The following SPEG variants were observed in gnomAD, a reference collection of about 807,000 sequenced individuals.
SPEG encodes striated muscle enriched protein kinase, also known as striated muscle preferentially expressed protein kinase.
A neutral mutation model predicts 300.4 loss-of-function variants in SPEG; 114 were observed. The ratio of observed to expected loss-of-function variants is 0.38; its 90% CI spans 0.33 to 0.44. The LOEUF is 0.44. Ranked by LOEUF, SPEG falls within the 20% of genes least tolerant of loss-of-function variation. SPEG has a pLI of 1.00. For missense variants in SPEG, 4,201 were observed against 4,586.2 expected, an observed-to-expected ratio of 0.92 and a Z score of 2.43; for synonymous variants, 1,964 against 2,018.9, an observed-to-expected ratio of 0.97 and a Z score of 0.73.
chr2:219,454,068 C>T (rs1259738003), intron 6 of SPEG, among the ~76,000 whole-genome samples: 5 of 152,168 alleles, frequency 3.3e-5, no homozygotes, highest in Non-Finnish European at 7.3e-5. Flanking sequence ...TTCCCCTCCC[C>T]CTCTTGCTCT....
intron 6 of SPEG, among the ~76,000 whole-genome samples, chr2:219,455,953 T>C (rs976087519): frequency 3.3e-5 from 5 of 152,212 alleles, no homozygotes; most frequent in Non-Finnish European, 5.9e-5. Flanking sequence ...ACTACAGGTC[T>C]CCTATATTTG....
chr2:219,434,951 G>T lies in SPEG; in HGVS notation c.-27G>T. 6.8e-7 allele frequency: 1 copy of T among 1,477,556 alleles called. No homozygotes were observed. The highest frequency in any genetic ancestry group is 8.9e-7 in the Non-Finnish European group (1 of 1,123,348). The allele number at this position is 1,477,556 out of a possible 1,614,324, so 91.5% of individuals were successfully genotyped here. A position where few individuals can be genotyped will look rare whatever the true frequency, so the allele number is the denominator to read the frequency against. ...GCCCCCGTGGCCGCCCAGTTCCGGC[G>T]TCCCCCCAGCCCAGCTCTCAGTGGC... On this transcript the variant is annotated 5_prime_UTR_variant, in exon 1 of 41. Coordinates refer to ENST00000312358, the MANE Select transcript of SPEG (RefSeq NM_005876.5).
chr2:219,463,695 C>T (rs377648213), intron 8 of SPEG, among the ~76,000 whole-genome samples: 3 of 151,256 alleles, frequency 2.0e-5, no homozygotes, highest in African/African-American at 4.9e-5. Context: ...CATGAACCAC[C>T]GTGCCCAGCC....
rs267599214 is a variant in SPEG at position 219,489,175 on chromosome 2, G to A, written c.8271G>A (p.Gly2757=). Residue 2757 remains glycine, a synonymous_variant, in exon 35 of 41, where the codon GGG becomes GGA. Coordinates refer to ENST00000312358, the MANE Select transcript of SPEG (RefSeq NM_005876.5). ...RVACANRAGQ[G]PFSNSSEKVF... ...CCTGTGCCAACCGTGCTGGGCAGGG[G>A]CCCTTCAGCAACTCTTCTGAGAAGG... is the stretch of plus-strand genomic sequence containing the variant. The A allele has an allele frequency of 3.7e-6, 6 of 1,613,990 alleles. No homozygotes were observed. The highest frequency in any genetic ancestry group is 1.7e-5 in the Admixed American group (1 of 60,018).
At chr2:219,471,591 A>G in intron 13 of SPEG, 1 of 477,456 alleles carries the variant, frequency 2.1e-6, no homozygotes, top group Non-Finnish European at 3.8e-6. Flanking sequence ...GTGTAGGAGG[A>G]AGAGAAGATG....
Position 219,444,905 on chromosome 2 carries a change from T to C in SPEG, c.559T>C (p.Trp187Arg). ...AGGCACCTCAGAGGAGCAAGTGAGC[T>C]GGTGGGGCAGCGGGCAGACGGTCCT... Reference protein sequence around the residue: ...VTGTSEEQVSWWGSGQTVLEQ... With the variant: ...VTGTSEEQVSRWGSGQTVLEQ... Residue 187 changes from tryptophan (W) to arginine (R), a missense_variant, in exon 3 of 41, where the codon TGG (tryptophan) becomes CGG (arginine). Trp to Arg is a moderately radical substitution (Grantham distance 101, BLOSUM62 -3). Around this residue, in one of 4 missense-constraint regions of SPEG, gnomAD observed 1,258 missense variants for 1,293.9 expected, o/e 0.97. Coordinates refer to ENST00000312358, the MANE Select transcript of SPEG (RefSeq NM_005876.5). This position sits in a 1 kb window ranked among gnomAD's most constrained non-coding sequence, Gnocchi z 7.8. 1 of 1,573,120 alleles carries C rather than the reference T, an allele frequency of 6.4e-7. No homozygotes were observed. Among genetic ancestry groups the C allele is most frequent in the South Asian group, 1.2e-5 (1 of 82,524 alleles).
At position 219,467,215 on chromosome 2, in the gene SPEG, C is replaced by T; in HGVS notation, c.2923C>T (p.Gln975Ter). 1 of 1,595,226 alleles carries T rather than the reference C, an allele frequency of 6.3e-7. No homozygotes were observed. The highest frequency in any genetic ancestry group is 1.7e-5 in the Admixed American group (1 of 59,678). The change falls in exon 10 of 41, where the codon CAG becomes TAG. Residue 975 changes from glutamine to a stop codon, truncating the protein, a stop_gained. Transcript: ENST00000312358. LOFTEE classifies it high-confidence loss of function. Reference sequence around the variant, plus strand: ...GTCCCTGGCCGTGCTGGCCCCCCTGCAGGACGTGGACGTGGGGGCCGGGGA... The same window carrying T: ...GTCCCTGGCCGTGCTGGCCCCCCTGTAGGACGTGGACGTGGGGGCCGGGGA... ...SRSLAVLAPL[Q>*]DVDVGAGEMA...
In SPEG at chr2:219,475,663, T is replaced by C. The variant is rs553711730; in HGVS notation, c.4448-1207T>C. ...CAGGACTCACCTTTCTTCCCAGATATAGGAGGAGCCCTGAAGTTTGGGGAG... is the reference window on the plus strand; with the variant it reads ...CAGGACTCACCTTTCTTCCCAGATACAGGAGGAGCCCTGAAGTTTGGGGAG... On this transcript the variant is annotated intron_variant, in intron 18 of 40. Transcript: ENST00000312358. Among the ~76,000 whole-genome samples the C allele has an allele frequency of 3.0e-4, 45 of 152,306 alleles. 2 individuals are homozygous for C. The highest frequency in any genetic ancestry group is 1.1e-3 in the African/African-American group (45 of 41,570).
intron 3 of SPEG, among the ~76,000 whole-genome samples, chr2:219,446,737 C>T (rs1442773695): frequency 6.6e-6 from 1 of 152,196 alleles, no homozygotes; most frequent in African/African-American, 2.4e-5. Flanking sequence ...TAGCACCAAT[C>T]ATTTCCCAGC....
At chr2:219,470,008 T>C (rs925413677) in intron 13 of SPEG, among the ~76,000 whole-genome samples, 1 of 152,150 alleles carries the variant, frequency 6.6e-6, no homozygotes, top group African/African-American at 2.4e-5. Flanking sequence ...CTCAGTTCCA[T>C]CCTTGAAGGA....
intron 28 of SPEG, among the ~76,000 whole-genome samples, chr2:219,482,577 C>T (rs1391222403): frequency 6.6e-6 from 1 of 152,094 alleles, no homozygotes; most frequent in African/African-American, 2.4e-5. Context: ...CTGGGGGGTT[C>T]AGGGGATTTG....
chr2:219,483,030 G>A lies in SPEG; in HGVS notation c.5635-68G>A. On this transcript the variant is annotated intron_variant, in intron 29 of 40. Transcript: ENST00000312358. ...GCTCAGGCCTCTTCCCCAGGGCTGA[G>A]GTGGGCCTGGGGGGGACAATCCTGC... 9.9e-6 allele frequency: 15 copies of A among 1,511,818 alleles called. No homozygotes were observed. The South Asian group carries it at 1.6e-4, about 16-fold the overall frequency. The allele number at this position is 1,511,818 out of a possible 1,614,324, so 93.7% of individuals were successfully genotyped here.
chr2:219,450,146 C>G (rs1420277041), intron 4 of SPEG, among the ~76,000 whole-genome samples: 4 of 152,198 alleles, frequency 2.6e-5, no homozygotes, highest in African/African-American at 9.7e-5. Context: ...AGTATTACCA[C>G]CTTAGAATCT....
chr2:219,490,444 A>G lies in SPEG; in HGVS notation c.8957A>G (p.Asn2986Ser). The change falls in exon 37 of 41, where the codon AAT becomes AGT. Residue 2986 changes from asparagine (N) to serine (S), a missense_variant. This residue lies in a region of SPEG where 318 missense variants were observed against 429.5 expected (regional missense o/e 0.74). Coordinates refer to ENST00000312358, the MANE Select transcript of SPEG (RefSeq NM_005876.5). ...GGTGTTGTGCGAGCGTGCCGGGAGA[A>G]TGCCACGGGGCGAACGTTCGTGGCC... The part of the protein sequence containing the change: ...RFGVVRACRE[N>S]ATGRTFVAKI... 2 of 1,612,922 alleles carry G rather than the reference A, an allele frequency of 1.2e-6. No individual in the cohort carries two copies. The highest frequency in any genetic ancestry group is 1.7e-6 in the Non-Finnish European group (2 of 1,179,888).
At chr2:219,483,036 C>T (rs933605268) in intron 29 of SPEG, 62 bp from the exon 30 acceptor site, 6 of 1,530,884 alleles carry the variant, frequency 3.9e-6, no homozygotes, top group Non-Finnish European at 5.3e-6. Context: ...CTGAGGTGGG[C>T]CTGGGGGGGA....
Position 219,459,742 on chromosome 2 carries a change from G to A in SPEG, c.2441-2140G>A, listed in dbSNP as rs1690489392. Among the ~76,000 whole-genome samples the A allele has an allele frequency of 6.6e-6, 1 of 152,218 alleles. No homozygotes were observed. Among genetic ancestry groups the A allele is most frequent in the South Asian group, 2.1e-4 (1 of 4,834 alleles). On this transcript the variant is annotated intron_variant, in intron 6 of 40. Coordinates refer to ENST00000312358, the MANE Select transcript of SPEG (RefSeq NM_005876.5). This position sits in a 1 kb window ranked among gnomAD's most constrained non-coding sequence, Gnocchi z 4.9. ...CATAGAGGGGTAGGACCGCCCACCT[G>A]CGGAGCCATGCCTGTGATCTCAGCA...
Position 219,467,334 on chromosome 2 carries a change from A to G in SPEG, c.3042A>G (p.Lys1014=), listed in dbSNP as rs61741762. 1.7e-3 allele frequency: 2,736 copies of G among 1,612,136 alleles called. 40 individuals carry two copies. In the African/African-American group the frequency reaches 0.033, roughly 19 times the overall value. The change falls in exon 10 of 41, where the codon AAA becomes AAG. Residue 1014 remains lysine (K), a synonymous_variant. Coordinates refer to ENST00000312358, the MANE Select transcript of SPEG (RefSeq NM_005876.5). ...RGRLLQPALL[K]CKMHFDGRKC... is the part of the protein sequence containing the mutation. ...GCCTGCTGCAGCCTGCACTGCTCAAATGCAAGATGCATTTCGATGGCCGCA... is the reference window on the plus strand; with the variant it reads ...GCCTGCTGCAGCCTGCACTGCTCAAGTGCAAGATGCATTTCGATGGCCGCA...
rs1310293769 is a variant in SPEG at position 219,445,951 on chromosome 2, C to T, written c.815+790C>T. Among the ~76,000 whole-genome samples, 2 of 151,150 alleles carry T rather than the reference C, an allele frequency of 1.3e-5. No individual in the cohort carries two copies. Among genetic ancestry groups the T allele is most frequent in the East Asian group, 1.9e-4 (1 of 5,152 alleles). On this transcript the variant is annotated intron_variant, in intron 3 of 40. Coordinates refer to ENST00000312358, the MANE Select transcript of SPEG (RefSeq NM_005876.5). The surrounding 1 kb of genome is among the most constrained non-coding windows in gnomAD (Gnocchi z 6.1). ...GAGCCATTTTTGGAGATTTGGGGCT[C>T]GCAGATACAGGAGGGAGTGCTATAG... is the stretch of plus-strand genomic sequence containing the variant.
intron 6 of SPEG, 64 bp from the exon 7 acceptor site, chr2:219,461,818 C>T: frequency 6.5e-7 from 1 of 1,535,040 alleles, no homozygotes; most frequent in African/African-American, 1.4e-5. Flanking sequence ...GGCGACATTC[C>T]AGCCAGCTCT....
Sources: allele counts gnomAD v4.1 joint callset (sites outside exome capture counted in the v4.1 genomes callset), GRCh38; gene constraint gnomAD v4.1.1; regional missense constraint gnomAD v4.1.1; non-coding constraint Gnocchi (gnomAD v3.1); transcripts MANE v1.5; gene names NCBI Gene and HGNC (gene_info 2026-07-23, HGNC 2026-07-21).